Variants in ABTB2 observed in about 807,000 individuals in gnomAD.
ABTB2 encodes the protein ankyrin repeat and BTB/POZ domain-containing protein 2.
A neutral mutation model predicts 104.1 loss-of-function variants in ABTB2; 56 were observed. The ratio of observed to expected loss-of-function variants is 0.54; its 90% CI spans 0.43 to 0.67. ABTB2 has a LOEUF of 0.67. ABTB2 is among the 30% of genes least tolerant of loss of function. ABTB2 has a pLI of 0.00. For synonymous variants in ABTB2, 606 were observed against 608.2 expected (o/e 1.00, Z 0.05); for missense variants, 1,279 against 1,407.7 (o/e 0.91, Z 1.46).
chr11:34,296,149 A>G (rs200648894), intron 1 of ABTB2, among the ~76,000 whole-genome samples: 1 of 152,204 alleles, frequency 6.6e-6, no homozygotes, highest in Admixed American at 6.5e-5. Context: ...GTAAATAAAA[A>G]TAAAGTGAAT....
chr11:34,305,702 A>G (rs1268729735), intron 1 of ABTB2, among the ~76,000 whole-genome samples: 1 of 152,232 alleles, frequency 6.6e-6, no homozygotes, highest in Non-Finnish European at 1.5e-5. Context: ...CTAAACCTTC[A>G]TTCTGAACAT....
chr11:34,173,239 C>T lies in ABTB2; in HGVS notation c.1313G>A (p.Arg438His), dbSNP rs757163576. ...GTCGCCGCTGTCCACGGTGAGGCTG[C>T]GGCGGTGCTCTGCGTAGGTGATGGC... ...RVAITYAEHR[R>H]SLTVDSGDIR... Residue 438 changes from arginine to histidine, a missense_variant, in exon 4 of 17, where the codon CGC (arginine) becomes CAC (histidine). Transcript: ENST00000435224. 49 of 1,612,536 alleles carry T rather than the reference C, an allele frequency of 3.0e-5. No homozygotes were observed. The highest frequency in any genetic ancestry group is 5.3e-5 in the African/African-American group (4 of 74,904).
At chr11:34,311,526 G>A (rs1019546962) in intron 1 of ABTB2, among the ~76,000 whole-genome samples, 4 of 152,184 alleles carry the variant, frequency 2.6e-5, no homozygotes, top group Admixed American at 6.5e-5. Flanking sequence ...AAGGCAGAGC[G>A]CCTCACGTAA....
chr11:34,301,921 G>A (rs1854711611), intron 1 of ABTB2, among the ~76,000 whole-genome samples: 1 of 152,196 alleles, frequency 6.6e-6, no homozygotes, highest in Non-Finnish European at 1.5e-5. Context: ...CAGAGGTTTA[G>A]GCTGCAGTGA....
rs577760671 is a variant in ABTB2, at chr11:34,257,556, C to T, written c.884-52866G>A. On this transcript the variant is annotated intron_variant, in intron 1 of 16. Coordinates refer to ENST00000435224, the MANE Select transcript of ABTB2 (RefSeq NM_145804.3). The stretch of plus-strand genomic sequence containing the variant: ...AGTAGTCACTAACCCACACAATCAT[C>T]GAGCATTTGAAATGCAGCTAATACG... 1.3e-4 allele frequency among the ~76,000 whole-genome samples: 20 copies of T among 152,298 alleles called. No individual in the cohort carries two copies. The South Asian group carries it at 1.5e-3, about 11-fold the overall frequency.
chr11:34,320,651 C>A (rs563518239), intron 1 of ABTB2, among the ~76,000 whole-genome samples: 27 of 152,298 alleles, frequency 1.8e-4, no homozygotes, highest in African/African-American at 6.0e-4. Flanking sequence ...GAAGGACTTA[C>A]CCCACAGGCA....
chr11:34,210,709 G>GGCCAAGGCA (rs1469415104), intron 1 of ABTB2, among the ~76,000 whole-genome samples: 2 of 152,200 alleles, frequency 1.3e-5, no homozygotes, highest in East Asian at 1.9e-4. Context: ...GGAAGCTCAT[G>GGCCAAGGCA]GCCAAGGCAG....
rs578094110 is a variant in ABTB2, at chr11:34,175,005, T to A, written c.1245-1698A>T. 2.0e-5 allele frequency among the ~76,000 whole-genome samples: 3 copies of A among 152,340 alleles called. No homozygotes were observed. In the South Asian group the frequency reaches 6.2e-4, roughly 32 times the overall value. On this transcript the variant is annotated intron_variant, in intron 3 of 16. Transcript: ENST00000435224. ...CAACTCCCTCGGGGCTCTTGGAGCG[T>A]CCCGCCTGTGCGGTCACTGTGGTCT...
At chr11:34,308,882 A>AAAAAAAAAAAAG (rs1252511057) in intron 1 of ABTB2, among the ~76,000 whole-genome samples, 2 of 150,826 alleles carry the variant, frequency 1.3e-5, no homozygotes, top group African/African-American at 4.9e-5. Flanking sequence ...AAAAAAAAAA[A>AAAAAAAAAAAAG]AAAAAGAAAA....
intron 1 of ABTB2, among the ~76,000 whole-genome samples, chr11:34,262,718 T>C (rs1205334115): frequency 2.0e-5 from 3 of 152,184 alleles, no homozygotes; most frequent in Non-Finnish European, 4.4e-5. Flanking sequence ...TAAAGGGCCA[T>C]TATTAACAGT....
intron 7 of ABTB2, among the ~76,000 whole-genome samples, chr11:34,166,926 C>T (rs1852809423): frequency 6.6e-6 from 1 of 152,190 alleles, no homozygotes; most frequent in Admixed American, 6.5e-5. Flanking sequence ...GTCGGAAAGG[C>T]GGCTGTAGGC....
chr11:34,279,548 C>T (rs918527639), intron 1 of ABTB2, among the ~76,000 whole-genome samples: 1 of 152,236 alleles, frequency 6.6e-6, no homozygotes, highest in Non-Finnish European at 1.5e-5. Flanking sequence ...TATTTGGCGT[C>T]ATAGCCTGAG....
chr11:34,292,659 T>C (rs573066552), intron 1 of ABTB2, among the ~76,000 whole-genome samples: 1 of 152,286 alleles, frequency 6.6e-6, no homozygotes, highest in East Asian at 1.9e-4. Context: ...GTATGGCAGA[T>C]AGCAGTTGTT....
intron 1 of ABTB2, among the ~76,000 whole-genome samples, chr11:34,343,055 C>T (rs1169946940): frequency 4.6e-5 from 7 of 152,000 alleles, no homozygotes; most frequent in Non-Finnish European, 7.4e-5. Context: ...CTGCAACCTC[C>T]GCATCCTGAG....
At chr11:34,321,300 G>A (rs2133111080) in intron 1 of ABTB2, among the ~76,000 whole-genome samples, 1 of 152,328 alleles carries the variant, frequency 6.6e-6, no homozygotes, top group South Asian at 2.1e-4. Flanking sequence ...AATGTTTATA[G>A]ACAACTCATG....
intron 1 of ABTB2, among the ~76,000 whole-genome samples, chr11:34,212,893 C>A (rs1398294920): frequency 6.6e-6 from 1 of 152,196 alleles, no homozygotes; most frequent in African/African-American, 2.4e-5. Flanking sequence ...TTAACAACTG[C>A]TTAAGAAGCT....
At chr11:34,270,340 CTTTT>C (rs35884906) in intron 1 of ABTB2, among the ~76,000 whole-genome samples, 2 of 137,388 alleles carry the variant, frequency 1.5e-5, no homozygotes, top group Admixed American at 7.4e-5. Flanking sequence ...GACGGTTTTC[CTTTT>C]TTTTTTTTTT....
intron 10 of ABTB2, 76 bp from the exon 11 acceptor site, chr11:34,161,157 G>A (rs1852715918): frequency 7.1e-7 from 1 of 1,417,444 alleles, no homozygotes; most frequent in Admixed American, 2.5e-5. Context: ...GCCTTTTCTG[G>A]GCAGACTCTC....
At chr11:34,166,667 G>A (rs1331528995) in intron 7 of ABTB2, among the ~76,000 whole-genome samples, 1 of 152,226 alleles carries the variant, frequency 6.6e-6, no homozygotes, top group Non-Finnish European at 1.5e-5. Context: ...GGGAGTAAGT[G>A]CACGTGGCTG....
Sources: allele counts gnomAD v4.1 joint callset (sites outside exome capture counted in the v4.1 genomes callset), GRCh38; gene constraint gnomAD v4.1.1; transcripts MANE v1.5; gene names NCBI Gene and HGNC (gene_info 2026-07-23, HGNC 2026-07-21).